Variants in SUGCT observed in about 807,000 individuals in gnomAD.
SUGCT encodes succinyl-CoA:glutarate-CoA transferase.
SUGCT carries 41 observed loss-of-function variants against 55.0 expected under a neutral mutation model. The ratio of observed to expected loss-of-function variants is 0.74; its 90% CI spans 0.58 to 0.97. The LOEUF (loss-of-function observed/expected upper bound fraction) is 0.97, where lower values mean the gene tolerates loss of function less well. SUGCT is among the 50% of genes least tolerant of loss of function. The pLI is 0.00. For missense variants in SUGCT, 568 were observed against 547.8 expected (o/e 1.04, Z -0.37); for synonymous variants, 187 against 200.4 (o/e 0.93, Z 0.56).
chr7:40,181,114 A>G (rs1359778588), intron 2 of SUGCT, 116 bp downstream of exon 2: 1 of 780,156 alleles, frequency 1.3e-6, no homozygotes, highest in Admixed American at 2.3e-5. Flanking sequence ...TTTAGAGAAG[A>G]AAATAAGAAA....
intron 12 of SUGCT, among the ~76,000 whole-genome samples, chr7:40,729,485 AG>A (rs1269456531): frequency 1.3e-5 from 2 of 152,230 alleles, no homozygotes; most frequent in Admixed American, 6.5e-5. Context: ...ATGTTTGCAA[AG>A]AAGATAACAT....
At chr7:40,228,298 C>A (rs149908582) in intron 6 of SUGCT, among the ~76,000 whole-genome samples, 1 of 151,906 alleles carries the variant, frequency 6.6e-6, no homozygotes, top group Admixed American at 6.6e-5. Context: ...AATTGGGATC[C>A]GAATAAAGTA....
intron 12 of SUGCT, among the ~76,000 whole-genome samples, chr7:40,663,945 G>T (rs1584234563): frequency 6.6e-6 from 1 of 152,082 alleles, no homozygotes; most frequent in Non-Finnish European, 1.5e-5. Flanking sequence ...CTTTACAGGG[G>T]TAATCAAGTT....
At chr7:40,439,060 TG>T (rs1562777364) in intron 9 of SUGCT, among the ~76,000 whole-genome samples, 2 of 29,030 alleles carry the variant, frequency 6.9e-5, no homozygotes, top group African/African-American at 3.2e-4. Context: ...GGTATATATA[TG>T]GTGTATATAT....
At chr7:40,745,588 T>C (rs1787695044) in intron 12 of SUGCT, among the ~76,000 whole-genome samples, 1 of 152,094 alleles carries the variant, frequency 6.6e-6, no homozygotes, top group South Asian at 2.1e-4. Flanking sequence ...GCTAAAGAGG[T>C]TGGCGCACTG....
At chr7:40,661,962 G>A (rs1453760146) in intron 12 of SUGCT, among the ~76,000 whole-genome samples, 1 of 152,172 alleles carries the variant, frequency 6.6e-6, no homozygotes, top group Non-Finnish European at 1.5e-5. Flanking sequence ...CTGCAACTAA[G>A]GTCCAGACCT....
At chr7:40,937,125 A>T in the SUGCT span, among the ~76,000 whole-genome samples, 1 of 152,146 alleles carries the variant, frequency 6.6e-6, no homozygotes, top group Non-Finnish European at 1.5e-5. Flanking sequence ...GTGCTATTCA[A>T]GTCAACTATT....
intron 12 of SUGCT, among the ~76,000 whole-genome samples, chr7:40,730,160 T>A (rs1786820148): frequency 6.6e-6 from 1 of 152,162 alleles, no homozygotes; most frequent in African/African-American, 2.4e-5. Context: ...CAGGCTGGAG[T>A]GCAATCGCAT....
At chr7:40,325,243 A>T (rs555229665) in intron 9 of SUGCT, among the ~76,000 whole-genome samples, 3 of 123,302 alleles carry the variant, frequency 2.4e-5, no homozygotes, top group African/African-American at 9.3e-5. Flanking sequence ...TTTTTTTTTA[A>T]AAAGTCAAAA....
chr7:40,780,736 G>T (rs575790408), intron 13 of SUGCT, among the ~76,000 whole-genome samples: 2 of 149,554 alleles, frequency 1.3e-5, no homozygotes, highest in Non-Finnish European at 3.0e-5. Flanking sequence ...GGAGTTCCTA[G>T]TGTGGGTTTT....
chr7:40,871,725 C>T, the SUGCT span, among the ~76,000 whole-genome samples: 1 of 148,118 alleles, frequency 6.8e-6, no homozygotes, highest in Non-Finnish European at 1.5e-5. Flanking sequence ...TTTCAGTGAT[C>T]TCCACTCTTT....
At chr7:40,389,469 A>ACAAG (rs1554330343) in intron 9 of SUGCT, among the ~76,000 whole-genome samples, 66 of 148,514 alleles carry the variant, frequency 4.4e-4, no homozygotes, top group Admixed American at 1.7e-3. Context: ...AAACAAACAA[A>ACAAG]CAAGCAAAAA....
the SUGCT span, among the ~76,000 whole-genome samples, chr7:40,961,858 T>A: frequency 6.6e-6 from 1 of 152,108 alleles, no homozygotes; most frequent in South Asian, 2.1e-4. Context: ...GGGTTCATGG[T>A]CTCCCTGGCC....
the SUGCT span, among the ~76,000 whole-genome samples, chr7:40,913,401 A>T: frequency 6.6e-6 from 1 of 152,188 alleles, no homozygotes; most frequent in African/African-American, 2.4e-5. Flanking sequence ...GGTCCCCCAA[A>T]TTTCCATTAG....
chr7:40,665,953 A>G (rs1047032042), intron 12 of SUGCT, among the ~76,000 whole-genome samples: 1 of 152,208 alleles, frequency 6.6e-6, no homozygotes, highest in Non-Finnish European at 1.5e-5. Flanking sequence ...ATGCAGGCTT[A>G]TATACTGGTG....
intron 9 of SUGCT, among the ~76,000 whole-genome samples, chr7:40,354,230 A>G (rs1345699653): frequency 1.3e-5 from 2 of 152,152 alleles, no homozygotes; most frequent in African/African-American, 4.8e-5. Flanking sequence ...AGGTGGATTT[A>G]TTGGTTGCGG....
At chr7:40,713,877 C>G (rs1785866327) in intron 12 of SUGCT, among the ~76,000 whole-genome samples, 2 of 152,226 alleles carry the variant, frequency 1.3e-5, no homozygotes, top group Admixed American at 6.5e-5. Flanking sequence ...TCTCTTAACC[C>G]TTTTGGAAAA....
At chr7:40,449,081 T>C (rs1458303162) in intron 9 of SUGCT, among the ~76,000 whole-genome samples, 1 of 151,966 alleles carries the variant, frequency 6.6e-6, no homozygotes, top group Non-Finnish European at 1.5e-5. Context: ...TATTGACTGT[T>C]TGACATTTAG....
At chr7:40,471,885 A>G (rs573054494) in intron 11 of SUGCT, among the ~76,000 whole-genome samples, 3 of 152,096 alleles carry the variant, frequency 2.0e-5, no homozygotes, top group Non-Finnish European at 2.9e-5. Context: ...AATTATAACA[A>G]CCTCAATGTA....
Sources: gnomAD v4.1 joint callset for allele counts (sites outside exome capture counted in the v4.1 genomes callset) on GRCh38, gnomAD v4.1.1 for gene constraint, MANE v1.5 for transcripts, NCBI Gene and HGNC (gene_info 2026-07-23, HGNC 2026-07-21) for gene names.